The following RBFOX1 variants were observed in gnomAD, a reference collection of about 807,000 sequenced individuals.
RBFOX1 encodes RNA binding fox-1 homolog 1.
In RBFOX1, 8 loss-of-function variants were observed where a neutral mutation model predicts 57.7. The ratio of observed to expected loss-of-function variants is 0.14; its 90% CI spans 0.08 to 0.25. The LOEUF is 0.25. RBFOX1 is among the 10% of genes least tolerant of loss of function. The pLI, the probability that RBFOX1 is intolerant of heterozygous loss-of-function variation, is 1.00. For missense variants in RBFOX1, 611 were observed against 548.5 expected, an observed-to-expected ratio of 1.11 and a Z score of -1.14; for synonymous variants, 326 against 222.4, an observed-to-expected ratio of 1.47 and a Z score of -4.15.
intron 4 of RBFOX1, among the ~76,000 whole-genome samples, chr16:5,944,615 A>G (rs1166742433): frequency 6.6e-6 from 1 of 151,320 alleles, no homozygotes; most frequent in Non-Finnish European, 1.5e-5. Flanking sequence ...CAACGAGGAA[A>G]TCTATACTGT....
intron 3 of RBFOX1, among the ~76,000 whole-genome samples, chr16:6,857,206 C>A (rs28733360): frequency 6.6e-6 from 1 of 151,998 alleles, no homozygotes; most frequent in African/African-American, 2.4e-5. Flanking sequence ...CTTTGGCTCT[C>A]TCTACGCTGA....
At chr16:7,175,508 C>T (rs1439270364) in intron 4 of RBFOX1, among the ~76,000 whole-genome samples, 3 of 152,120 alleles carry the variant, frequency 2.0e-5, no homozygotes, top group African/African-American at 7.2e-5. Flanking sequence ...CCTGGTCATA[C>T]TCATTGAGCC....
chr16:6,969,866 C>T (rs1194985636), intron 3 of RBFOX1, among the ~76,000 whole-genome samples: 2 of 152,154 alleles, frequency 1.3e-5, no homozygotes, highest in Non-Finnish European at 2.9e-5. Context: ...AACCATTGTA[C>T]TAATTGATGG....
intron 4 of RBFOX1, among the ~76,000 whole-genome samples, chr16:7,504,806 T>A (rs1200056505): frequency 1.7e-5 from 2 of 117,142 alleles, no homozygotes; most frequent in Non-Finnish European, 3.2e-5. Flanking sequence ...TATATATTTA[T>A]ATATATATAT....
At chr16:6,377,604 C>T (rs1808284) in intron 2 of RBFOX1, among the ~76,000 whole-genome samples, 94,170 of 151,432 alleles carry the variant, frequency 0.62, 30,083 homozygotes, top group African/African-American at 0.77. Flanking sequence ...GGGTCTGTGC[C>T]GACAGAAATG....
At chr16:7,056,762 G>A (rs184895383) in intron 4 of RBFOX1, among the ~76,000 whole-genome samples, 1 of 152,236 alleles carries the variant, frequency 6.6e-6, no homozygotes, top group Admixed American at 6.5e-5. Context: ...AACGAGCTTA[G>A]TTAGAAAACT....
Position 6,228,035 on chromosome 16 carries a change from G to A in RBFOX1, c.-126-88960G>A, listed in dbSNP as rs142957172. 1.3e-3 allele frequency among the ~76,000 whole-genome samples: 197 copies of A among 152,298 alleles called. 1 individual carries two copies. The highest frequency in any genetic ancestry group is 4.2e-3 in the African/African-American group (176 of 41,572). ...TCAAACTAGCCAGGGATATGGCCAGGCACGGTGGCTCACACCTATAATCCC... is the reference window on the plus strand; with the variant it reads ...TCAAACTAGCCAGGGATATGGCCAGACACGGTGGCTCACACCTATAATCCC... On this transcript the variant is annotated intron_variant, in intron 1 of 15. Transcript: ENST00000550418.
At chr16:7,347,748 C>A (rs2097043869) in intron 4 of RBFOX1, among the ~76,000 whole-genome samples, 1 of 152,190 alleles carries the variant, frequency 6.6e-6, no homozygotes, top group African/African-American at 2.4e-5. Context: ...ATGTCTCAAT[C>A]TTTATATCAG....
At chr16:5,347,601 C>CA (rs1327932652) in intron 1 of RBFOX1, among the ~76,000 whole-genome samples, 3 of 151,680 alleles carry the variant, frequency 2.0e-5, no homozygotes, top group Non-Finnish European at 4.4e-5. Context: ...CCCATCCACC[C>CA]ACCCATGCTC....
chr16:5,904,414 A>G (rs2058391270), intron 4 of RBFOX1, among the ~76,000 whole-genome samples: 1 of 151,894 alleles, frequency 6.6e-6, no homozygotes, highest in African/African-American at 2.4e-5. Context: ...AGGGCATTAT[A>G]TATTTTTCAC....
At chr16:7,257,368 A>G (rs962892455) in intron 4 of RBFOX1, among the ~76,000 whole-genome samples, 3 of 152,086 alleles carry the variant, frequency 2.0e-5, no homozygotes, top group African/African-American at 7.2e-5. Flanking sequence ...CAACCTCATG[A>G]GACTTGCTGC....
At chr16:5,770,560 G>T (rs1171493482) in intron 3 of RBFOX1, among the ~76,000 whole-genome samples, 2 of 152,104 alleles carry the variant, frequency 1.3e-5, no homozygotes, top group South Asian at 2.1e-4. Flanking sequence ...TCTGCCTATG[G>T]GGTAGCCCTG....
intron 2 of RBFOX1, among the ~76,000 whole-genome samples, chr16:6,507,281 G>C (rs2096125766): frequency 6.6e-6 from 1 of 151,956 alleles, no homozygotes; most frequent in Admixed American, 6.6e-5. Context: ...TTTCATAGCA[G>C]CATGTTTACA....
At chr16:7,114,464 T>C (rs762677792) in intron 4 of RBFOX1, among the ~76,000 whole-genome samples, 1 of 152,154 alleles carries the variant, frequency 6.6e-6, no homozygotes, top group Non-Finnish European at 1.5e-5. Flanking sequence ...AAAGCATGAG[T>C]GAGTGCTATT....
intron 3 of RBFOX1, among the ~76,000 whole-genome samples, chr16:6,744,755 A>T (rs926213672): frequency 3.9e-5 from 6 of 152,096 alleles, no homozygotes; most frequent in Non-Finnish European, 8.8e-5. Context: ...AATGGTCTTA[A>T]ATCACTTACT....
In RBFOX1 at chr16:7,709,279, C is replaced by A. The variant is rs953373825; in HGVS notation, c.1071+148C>A. The A allele has an allele frequency of 1.1e-5, 10 of 938,522 alleles. No individual in the cohort carries two copies. In the African/African-American group the frequency reaches 1.5e-4, roughly 14 times the overall value. 58.1% of individuals were successfully genotyped at this position (938,522 alleles called of 1,614,324 possible). A position where few individuals can be genotyped will look rare whatever the true frequency, so the allele number is the denominator to read the frequency against. Reference sequence around the variant, plus strand: ...CAGCAGCTAAAATGCCACATTAATCCTCCCAGTAAACTTGATAAATGTCTT... The same window carrying A: ...CAGCAGCTAAAATGCCACATTAATCATCCCAGTAAACTTGATAAATGTCTT... On this transcript the variant is annotated intron_variant, in intron 15 of 15. Transcript: ENST00000550418.
intron 4 of RBFOX1, among the ~76,000 whole-genome samples, chr16:7,353,392 A>G (rs1298270440): frequency 6.6e-6 from 1 of 152,230 alleles, no homozygotes; most frequent in African/African-American, 2.4e-5. Flanking sequence ...GCTACTTAGA[A>G]AAATAGTTGA....
At chr16:7,491,159 C>A (rs1408203131) in intron 4 of RBFOX1, among the ~76,000 whole-genome samples, 1 of 152,082 alleles carries the variant, frequency 6.6e-6, no homozygotes, top group Non-Finnish European at 1.5e-5. Context: ...TCATGAGATT[C>A]GCTCTGAAGC....
At chr16:6,642,596 C>CA (rs945270410) in intron 2 of RBFOX1, among the ~76,000 whole-genome samples, 7 of 150,010 alleles carry the variant, frequency 4.7e-5, no homozygotes, top group African/African-American at 1.5e-4. Flanking sequence ...AACCACACTC[C>CA]AAAAAAAAAG....
Sources: gnomAD v4.1 joint callset for allele counts (sites outside exome capture counted in the v4.1 genomes callset) on GRCh38, gnomAD v4.1.1 for gene constraint, MANE v1.5 for transcripts, NCBI Gene and HGNC (gene_info 2026-07-23, HGNC 2026-07-21) for gene names.